Variants in KCNIP1 observed in about 807,000 individuals in gnomAD.
The protein encoded by KCNIP1 is potassium voltage-gated channel interacting protein 1.
A neutral mutation model predicts 33.0 loss-of-function variants in KCNIP1; 18 were observed. That is an observed-to-expected ratio of 0.55 (90% CI 0.38 to 0.81). KCNIP1 has a LOEUF of 0.81. KCNIP1 is among the 30% of genes least tolerant of loss of function. The pLI, the probability that KCNIP1 is intolerant of heterozygous loss-of-function variation, is 0.00. For missense variants in KCNIP1, 238 were observed against 271.6 expected (o/e 0.88, Z 0.87); for synonymous variants, 93 against 98.3 (o/e 0.95, Z 0.32).
At chr5:170,729,809 G>A (rs1462207795) in intron 5 of KCNIP1, among the ~76,000 whole-genome samples, 2 of 152,020 alleles carry the variant, frequency 1.3e-5, no homozygotes, top group East Asian at 3.9e-4. Context: ...GGTATTTGAG[G>A]AATATGTATC....
At chr5:170,446,235 G>A (rs1042950575) in intron 1 of KCNIP1, among the ~76,000 whole-genome samples, 1 of 152,130 alleles carries the variant, frequency 6.6e-6, no homozygotes, top group African/African-American at 2.4e-5. Flanking sequence ...AAAACTCTGC[G>A]CCTAGAAAAA....
chr5:170,590,693 G>C (rs1758216479), intron 1 of KCNIP1, among the ~76,000 whole-genome samples: 1 of 152,202 alleles, frequency 6.6e-6, no homozygotes, highest in South Asian at 2.1e-4. Flanking sequence ...CAAACAATCA[G>C]ATCCCCTGCC....
chr5:170,457,315 GCCA>G lies in KCNIP1; in HGVS notation c.88+103368_88+103370del, dbSNP rs914799873. On this transcript the variant is annotated intron_variant, in intron 1 of 7. Coordinates refer to the KCNIP1 transcript ENST00000377360. ...AAGACAGGGCAGCAAAACTGCAGGG[GCCA>G]CCACCACCACCACCACATGTCAGGA... is the stretch of plus-strand genomic sequence containing the variant. Among the ~76,000 whole-genome samples the G allele has an allele frequency of 1.7e-3, 251 of 152,078 alleles. 3 individuals carry two copies. The highest frequency in any genetic ancestry group is 5.5e-3 in the African/African-American group (227 of 41,504).
chr5:170,721,884 C>T lies in KCNIP1; in HGVS notation c.308C>T (p.Thr103Ile). 2 of 1,614,174 alleles carry T rather than the reference C, an allele frequency of 1.2e-6. No homozygotes were observed. Among genetic ancestry groups the T allele is most frequent in the African/African-American group, 2.7e-5 (2 of 75,056 alleles). The change falls in exon 4 of 8, where the codon ACA becomes ATA. Residue 103 changes from threonine (T) to isoleucine (I), a missense_variant. Thr to Ile is a moderately conservative substitution (Grantham distance 89). Coordinates refer to ENST00000328939, the MANE Select transcript of KCNIP1 (RefSeq NM_014592.4). ...YLFNAFDTTQ[T>I]GSVKFEDFVT... is the part of the protein sequence containing the mutation. ...TTCAATGCCTTCGACACCACTCAGA[C>T]AGGCTCCGTGAAGTTCGAGGTACGC...
intron 1 of KCNIP1, among the ~76,000 whole-genome samples, chr5:170,512,765 C>A (rs1581258015): frequency 1.3e-5 from 2 of 151,856 alleles, no homozygotes; most frequent in Admixed American, 1.3e-4. Context: ...AATACAGAGT[C>A]CCGGCCAGGC....
At chr5:170,689,329 A>G (rs1256627015) in intron 1 of KCNIP1, among the ~76,000 whole-genome samples, 1 of 152,228 alleles carries the variant, frequency 6.6e-6, no homozygotes, top group East Asian at 1.9e-4. Flanking sequence ...TTTGGAATAC[A>G]ATATGGAGTA....
chr5:170,569,783 C>T (rs1757332936), intron 1 of KCNIP1, among the ~76,000 whole-genome samples: 2 of 151,950 alleles, frequency 1.3e-5, no homozygotes, highest in African/African-American at 4.8e-5. Context: ...GTGTCTGGCA[C>T]TTAGTAAGCC....
chr5:170,671,213 G>A (rs1041281495), intron 1 of KCNIP1, among the ~76,000 whole-genome samples: 4 of 152,034 alleles, frequency 2.6e-5, no homozygotes, highest in African/African-American at 7.2e-5. Context: ...TCCTTAACAC[G>A]GTCTACAATA....
At chr5:170,415,387 TC>T (rs1755300488) in intron 1 of KCNIP1, among the ~76,000 whole-genome samples, 1 of 152,104 alleles carries the variant, frequency 6.6e-6, no homozygotes, top group Admixed American at 6.6e-5. Flanking sequence ...GTGGGGGGAC[TC>T]TCCTGTGTGC....
At chr5:170,376,185 G>C (rs34621617) in intron 1 of KCNIP1, 1 of 105,834 alleles carries the variant, frequency 9.4e-6, no homozygotes, top group Non-Finnish European at 1.8e-5. Context: ...TTTTGAGACA[G>C]AGTCTTGCTC....
intron 1 of KCNIP1, among the ~76,000 whole-genome samples, chr5:170,429,571 C>T (rs1179518251): frequency 2.0e-5 from 3 of 152,056 alleles, no homozygotes; most frequent in Non-Finnish European, 2.9e-5. Flanking sequence ...CCCACAATGA[C>T]GTATATTGTA....
At chr5:170,582,758 C>T (rs1313268365) in intron 1 of KCNIP1, among the ~76,000 whole-genome samples, 1 of 152,142 alleles carries the variant, frequency 6.6e-6, no homozygotes, top group African/African-American at 2.4e-5. Context: ...CATGGAGTTT[C>T]CCAAAGTACA....
chr5:170,365,893 AT>A (rs1763647344), intron 1 of KCNIP1, among the ~76,000 whole-genome samples: 1 of 152,116 alleles, frequency 6.6e-6, no homozygotes. Context: ...CAAATTAAGG[AT>A]TCAACAAATG....
At chr5:170,496,552 T>C (rs1757314802) in intron 1 of KCNIP1, among the ~76,000 whole-genome samples, 1 of 152,222 alleles carries the variant, frequency 6.6e-6, no homozygotes, top group African/African-American at 2.4e-5. Context: ...AGGCATGTGA[T>C]GGCACACAGT....
chr5:170,583,398 ATGT>A (rs1286127861), intron 1 of KCNIP1, among the ~76,000 whole-genome samples: 1 of 152,052 alleles, frequency 6.6e-6, no homozygotes, highest in Admixed American at 6.5e-5. Flanking sequence ...CAGGAGTAAG[ATGT>A]TGTGATCGAG....
chr5:170,490,354 G>A (rs1482023389), intron 1 of KCNIP1, among the ~76,000 whole-genome samples: 2 of 152,190 alleles, frequency 1.3e-5, no homozygotes, highest in African/African-American at 2.4e-5. Flanking sequence ...GCTGGGGGTA[G>A]GGCAACTACA....
At chr5:170,671,723 T>C (rs1318747062) in intron 1 of KCNIP1, among the ~76,000 whole-genome samples, 4 of 152,202 alleles carry the variant, frequency 2.6e-5, no homozygotes, top group African/African-American at 9.6e-5. Flanking sequence ...TAATAAATAT[T>C]TGTTGAATAA....
intron 1 of KCNIP1, among the ~76,000 whole-genome samples, chr5:170,424,593 C>T (rs1755572064): frequency 6.6e-6 from 1 of 152,172 alleles, no homozygotes; most frequent in South Asian, 2.1e-4. Flanking sequence ...AGGGTAGATA[C>T]TGATCCAAAG....
chr5:170,451,770 T>TGTGTGTGTGTGTGTGTGTGTGTGTG (rs1215207951), intron 1 of KCNIP1, among the ~76,000 whole-genome samples: 2 of 147,610 alleles, frequency 1.4e-5, no homozygotes, highest in Admixed American at 6.7e-5. Flanking sequence ...TGTGTGTGTG[T>TGTGTGTGTGTGTGTGTGTGTGTGTG]TTGCAGGGGG....
Sources: gnomAD v4.1 joint callset for allele counts (sites outside exome capture counted in the v4.1 genomes callset) on GRCh38, gnomAD v4.1.1 for gene constraint, MANE v1.5 for transcripts, NCBI Gene and HGNC (gene_info 2026-07-23, HGNC 2026-07-21) for gene names.